Variants in FHOD3 observed in about 807,000 individuals in gnomAD.
FHOD3 encodes the protein FH1/FH2 domain-containing protein 3.
Under a neutral mutation model 173.0 loss-of-function variants are expected in FHOD3, and 90 were observed. That is an observed-to-expected ratio of 0.52 (90% CI 0.44 to 0.62). The LOEUF (loss-of-function observed/expected upper bound fraction) is 0.62. FHOD3 is among the 20% of genes least tolerant of loss of function. The probability of loss-of-function intolerance (pLI) is 0.00; values close to 1 mark genes in which losing one functional copy is unlikely to be tolerated. For synonymous variants in FHOD3, 828 were observed against 823.0 expected, an observed-to-expected ratio of 1.01 and a Z score of -0.10; for missense variants, 1,945 against 2,034.7, an observed-to-expected ratio of 0.96 and a Z score of 0.85.
intron 17 of FHOD3, among the ~76,000 whole-genome samples, chr18:36,694,908 C>T (rs1323870694): frequency 6.6e-6 from 1 of 152,040 alleles, no homozygotes; most frequent in African/African-American, 2.4e-5. Flanking sequence ...CGAGACCATT[C>T]TAGCCACTGC....
chr18:36,670,945 C>T (rs1167999966), intron 14 of FHOD3, among the ~76,000 whole-genome samples: 1 of 152,232 alleles, frequency 6.6e-6, no homozygotes, highest in Non-Finnish European at 1.5e-5. Context: ...CTTGTTAAAA[C>T]TTTAACCAGT....
intron 3 of FHOD3, among the ~76,000 whole-genome samples, chr18:36,381,541 G>T (rs1344866999): frequency 2.0e-5 from 3 of 152,204 alleles, no homozygotes; most frequent in Non-Finnish European, 4.4e-5. Context: ...CCAGGCAGAG[G>T]CTGCGAGTCC....
Position 36,759,123 on chromosome 18 carries a change from TGAG to T in FHOD3, c.4440_4442del (p.Glu1481del), listed in dbSNP as rs1360439538. ...TGTCCTGTCCTCTCGGGTAGACTGA[TGAG>T]GAGGAGGAAGTTGAGGTATGACCAT... On this transcript the variant is annotated inframe_deletion, in exon 26 of 29. Transcript: ENST00000590592. 5.9e-6 allele frequency: 9 copies of T among 1,535,768 alleles called. No homozygotes were observed. The highest frequency in any genetic ancestry group is 1.2e-5 in the South Asian group (1 of 84,054).
At chr18:36,515,420 A>G (rs576871309) in intron 5 of FHOD3, among the ~76,000 whole-genome samples, 96 of 152,094 alleles carry the variant, frequency 6.3e-4, no homozygotes, top group African/African-American at 2.1e-3. Context: ...GGGTTTCACC[A>G]TGTTAGCCAG....
intron 5 of FHOD3, among the ~76,000 whole-genome samples, chr18:36,571,225 A>C (rs1474183831): frequency 6.6e-6 from 1 of 152,220 alleles, no homozygotes; most frequent in African/African-American, 2.4e-5. Flanking sequence ...ATATACTAAC[A>C]ATAAACAATT....
chr18:36,538,767 T>A (rs1454698875), intron 5 of FHOD3, among the ~76,000 whole-genome samples: 1 of 152,128 alleles, frequency 6.6e-6, no homozygotes, highest in African/African-American at 2.4e-5. Flanking sequence ...GTGATGGCAG[T>A]GGTGGGAGGT....
intron 6 of FHOD3, among the ~76,000 whole-genome samples, chr18:36,577,966 T>G (rs1294539186): frequency 6.6e-6 from 1 of 152,190 alleles, no homozygotes; most frequent in East Asian, 1.9e-4. Context: ...CAGGTGCACA[T>G]GCACCAAGGT....
At chr18:36,400,305 A>G (rs767918310) in intron 3 of FHOD3, among the ~76,000 whole-genome samples, 1 of 152,216 alleles carries the variant, frequency 6.6e-6, no homozygotes, top group Non-Finnish European at 1.5e-5. Context: ...AATTACTCCA[A>G]TAAATTTTAC....
intron 3 of FHOD3, among the ~76,000 whole-genome samples, chr18:36,387,313 C>T (rs1180181027): frequency 1.3e-5 from 2 of 152,126 alleles, no homozygotes; most frequent in East Asian, 1.9e-4. Flanking sequence ...TTGTGAGCTG[C>T]GGAAAGGACT....
chr18:36,471,023 G>A (rs2053253792), intron 3 of FHOD3, among the ~76,000 whole-genome samples: 1 of 152,200 alleles, frequency 6.6e-6, no homozygotes, highest in Admixed American at 6.5e-5. Flanking sequence ...TCCTGGCTTT[G>A]AACGCCCACA....
intron 3 of FHOD3, among the ~76,000 whole-genome samples, chr18:36,379,752 T>A (rs9944689): frequency 5.3e-5 from 8 of 152,032 alleles, no homozygotes; most frequent in African/African-American, 1.9e-4. Context: ...ATACTTTCCT[T>A]TCACAAGTCT....
intron 16 of FHOD3, among the ~76,000 whole-genome samples, chr18:36,691,721 A>T (rs1418784308): frequency 6.6e-6 from 1 of 152,210 alleles, no homozygotes; most frequent in Non-Finnish European, 1.5e-5. Context: ...CAAAAATGAA[A>T]TGGGATGCAT....
At chr18:36,577,973 AG>A (rs2058715762) in intron 6 of FHOD3, among the ~76,000 whole-genome samples, 1 of 152,226 alleles carries the variant, frequency 6.6e-6, no homozygotes. Context: ...ACATGCACCA[AG>A]GTTAAAGTGC....
At chr18:36,770,633 T>A (rs565185945) in intron 28 of FHOD3, among the ~76,000 whole-genome samples, 2 of 152,202 alleles carry the variant, frequency 1.3e-5, no homozygotes, top group East Asian at 3.9e-4. Flanking sequence ...GTAAGATGGG[T>A]GGACTGAGAA....
At chr18:36,485,013 C>A (rs571797726) in intron 3 of FHOD3, among the ~76,000 whole-genome samples, 15 of 152,274 alleles carry the variant, frequency 9.9e-5, no homozygotes, top group African/African-American at 3.4e-4. Flanking sequence ...TCCCGGTGAT[C>A]ACGTGCTTCT....
intron 25 of FHOD3, among the ~76,000 whole-genome samples, chr18:36,755,863 GAA>G (rs34360598): frequency 0.022 from 3,392 of 152,228 alleles, 104 homozygotes; most frequent in African/African-American, 0.077. Flanking sequence ...CATCAGGGTG[GAA>G]AGAGTTCCCA....
At chr18:36,428,209 C>T (rs2050352817) in intron 3 of FHOD3, among the ~76,000 whole-genome samples, 1 of 152,096 alleles carries the variant, frequency 6.6e-6, no homozygotes. Context: ...TATTGGATTA[C>T]TCTTGACCTT....
In FHOD3 at chr18:36,649,403, C is replaced by G. The variant is rs1194755243; in HGVS notation, c.1284C>G (p.Asp428Glu). ...ATGATGCTTCCTGTCAGGGCAAGGACAGGTACCTAGGACTGGAGCCTCCCA... is the reference window on the plus strand; with the variant it reads ...ATGATGCTTCCTGTCAGGGCAAGGAGAGGTACCTAGGACTGGAGCCTCCCA... ...REDDASCQGK[D>E]SKVGAASGQS... The change falls in exon 11 of 29, where the codon GAC becomes GAG. Residue 428 changes from aspartate (D) to glutamate (E), a missense_variant and splice_region_variant. Asp to Glu is a conservative substitution (Grantham distance 45). Coordinates refer to ENST00000590592, the MANE Select transcript of FHOD3 (RefSeq NM_001281740.3). 1 of 1,535,188 alleles carries G rather than the reference C, an allele frequency of 6.5e-7. No individual in the cohort carries two copies. The highest frequency in any genetic ancestry group is 8.7e-7 in the Non-Finnish European group (1 of 1,146,390).
chr18:36,707,182 T>TGAATCTCTGTCTGGAAACTATGCCCAC (rs2039928962), intron 17 of FHOD3, among the ~76,000 whole-genome samples: 4 of 152,148 alleles, frequency 2.6e-5, no homozygotes, highest in African/African-American at 7.2e-5. Context: ...CTGCCACCCA[T>TGAATCTCTGTCTGGAAACTATGCCCAC]GAATCTCTGT....
Sources: gnomAD v4.1 joint callset for allele counts (sites outside exome capture counted in the v4.1 genomes callset) on GRCh38, gnomAD v4.1.1 for gene constraint, MANE v1.5 for transcripts, NCBI Gene and HGNC (gene_info 2026-07-23, HGNC 2026-07-21) for gene names.